PKHD1: variants seen among roughly 807,000 people sequenced by gnomAD.
PKHD1 encodes PKHD1 ciliary IPT domain containing fibrocystin/polyductin.
Under a neutral mutation model 412.0 loss-of-function variants are expected in PKHD1, and 291 were observed. The observed-to-expected ratio is 0.71, with a 90% confidence interval of 0.64 to 0.78. The LOEUF (loss-of-function observed/expected upper bound fraction) is 0.78, where lower values mean the gene tolerates loss of function less well. Among genes scored for constraint, PKHD1 ranks in the 30% least tolerant of loss-of-function variants. The pLI is 0.00. For missense variants in PKHD1, 4,825 were observed against 4,950.7 expected (o/e 0.97, Z 0.76); for synonymous variants, 1,777 against 1,821.5 (o/e 0.98, Z 0.62).
intron 35 of PKHD1, among the ~76,000 whole-genome samples, chr6:51,970,119 AT>A (rs1793446810): frequency 6.6e-6 from 1 of 152,164 alleles, no homozygotes; most frequent in Non-Finnish European, 1.5e-5. Flanking sequence ...TGACTTTTTA[AT>A]AAGAGCCATT....
chr6:52,015,851 C>T (rs62406025), intron 34 of PKHD1, among the ~76,000 whole-genome samples: 7,956 of 151,972 alleles, frequency 0.052, 283 homozygotes, highest in East Asian at 0.11. Context: ...GAAAACATAC[C>T]CACTTTTGCC....
intron 36 of PKHD1, 145 bp downstream of exon 36, chr6:51,959,725 C>T (rs1791705963): frequency 2.7e-6 from 2 of 747,004 alleles, no homozygotes; most frequent in South Asian, 3.1e-5. Flanking sequence ...CCACTTCTTC[C>T]TTTACATAGT....
At chr6:51,976,167 G>A (rs935389967) in intron 35 of PKHD1, among the ~76,000 whole-genome samples, 6 of 151,856 alleles carry the variant, frequency 4.0e-5, no homozygotes, top group Admixed American at 1.3e-4. Context: ...TTGAAAGCAG[G>A]GTCTCAAAGA....
intron 50 of PKHD1, among the ~76,000 whole-genome samples, chr6:51,843,931 G>A (rs1248084112): frequency 3.3e-5 from 5 of 152,012 alleles, no homozygotes; most frequent in Non-Finnish European, 5.9e-5. Context: ...TTTCAATCAC[G>A]GGAACAATAT....
chr6:51,755,725 A>T (rs1470417856), intron 55 of PKHD1, among the ~76,000 whole-genome samples: 2 of 152,204 alleles, frequency 1.3e-5, no homozygotes, highest in Non-Finnish European at 2.9e-5. Context: ...CCCAAAGTTT[A>T]GCAAGCTTTG....
At chr6:51,809,278 G>A (rs577761804) in intron 52 of PKHD1, among the ~76,000 whole-genome samples, 1 of 152,092 alleles carries the variant, frequency 6.6e-6, no homozygotes, top group South Asian at 2.1e-4. Context: ...TAGCATGTGG[G>A]TAGACAACTA....
intron 52 of PKHD1, among the ~76,000 whole-genome samples, chr6:51,795,640 T>G (rs577102421): frequency 1.3e-5 from 2 of 152,262 alleles, no homozygotes; most frequent in Non-Finnish European, 2.9e-5. Context: ...CTTTTGCCCA[T>G]TCAATAGAAT....
intron 60 of PKHD1, among the ~76,000 whole-genome samples, chr6:51,743,440 G>T (rs1562210560): frequency 1.3e-5 from 2 of 152,182 alleles, no homozygotes; most frequent in Admixed American, 6.5e-5. Context: ...AAGAGATCAA[G>T]AATCTTTTTG....
intron 34 of PKHD1, among the ~76,000 whole-genome samples, chr6:52,015,691 G>C (rs1800436071): frequency 6.6e-6 from 1 of 152,050 alleles, no homozygotes; most frequent in Non-Finnish European, 1.5e-5. Context: ...GGGCGTGGTG[G>C]TGAGCACCTG....
chr6:51,970,719 C>T (rs1360833743), intron 35 of PKHD1, among the ~76,000 whole-genome samples: 1 of 152,160 alleles, frequency 6.6e-6, no homozygotes, highest in Non-Finnish European at 1.5e-5. Flanking sequence ...CTTTTCCCCA[C>T]TGTATGTTTT....
At chr6:51,890,079 A>G (rs1562542329) in intron 43 of PKHD1, among the ~76,000 whole-genome samples, 2 of 152,080 alleles carry the variant, frequency 1.3e-5, no homozygotes, top group South Asian at 4.1e-4. Context: ...CAGAGAAGGC[A>G]CTACAGTCCA....
chr6:51,771,557 C>A (rs12664044), intron 55 of PKHD1, among the ~76,000 whole-genome samples: 23,991 of 150,926 alleles, frequency 0.16, 2,217 homozygotes, highest in African/African-American at 0.26. Flanking sequence ...AGGTGGAGAT[C>A]GCAATGAGCC....
intron 35 of PKHD1, chr6:51,976,043 T>C (rs373932833): frequency 6.6e-6 from 1 of 150,670 alleles, no homozygotes; most frequent in Admixed American, 6.6e-5. Flanking sequence ...AGAACTCTTG[T>C]GTATTGCTGG....
intron 66 of PKHD1, chr6:51,623,021 T>C (rs1253870520): frequency 6.6e-6 from 1 of 152,124 alleles, no homozygotes; most frequent in East Asian, 1.9e-4. Flanking sequence ...CACATTATCT[T>C]AAGAATAGTG....
intron 52 of PKHD1, among the ~76,000 whole-genome samples, chr6:51,818,107 G>T (rs1765771935): frequency 6.6e-6 from 1 of 152,168 alleles, no homozygotes; most frequent in African/African-American, 2.4e-5. Flanking sequence ...GGCTTTCAGA[G>T]CATTGCCGAT....
chr6:51,673,704 G>A (rs929838480), intron 60 of PKHD1, among the ~76,000 whole-genome samples: 2 of 152,126 alleles, frequency 1.3e-5, no homozygotes, highest in Non-Finnish European at 2.9e-5. Flanking sequence ...GTCAGCCTCG[G>A]AGGGGCAGGG....
At chr6:51,973,231 T>C (rs193266438) in intron 35 of PKHD1, among the ~76,000 whole-genome samples, 75 of 152,340 alleles carry the variant, frequency 4.9e-4, no homozygotes, top group Middle Eastern at 3.4e-3. Flanking sequence ...ATAAAATATA[T>C]GCATTTCTTT....
At chr6:51,745,639 G>A (rs536662739) in intron 59 of PKHD1, among the ~76,000 whole-genome samples, 3 of 152,272 alleles carry the variant, frequency 2.0e-5, no homozygotes, top group African/African-American at 7.2e-5. Flanking sequence ...AGGAGGTCAA[G>A]GCTGCAGTTA....
At chr6:51,984,064 A>T (rs1364278184) in intron 35 of PKHD1, among the ~76,000 whole-genome samples, 1 of 152,212 alleles carries the variant, frequency 6.6e-6, no homozygotes, top group Non-Finnish European at 1.5e-5. Flanking sequence ...CAGATTTGAA[A>T]ACTCTGAGTT....
Sources: allele counts gnomAD v4.1 joint callset (sites outside exome capture counted in the v4.1 genomes callset), GRCh38; gene constraint gnomAD v4.1.1; transcripts MANE v1.5; gene names NCBI Gene and HGNC (gene_info 2026-07-23, HGNC 2026-07-21).